SLC29A4: variants seen among roughly 807,000 people sequenced by gnomAD.
SLC29A4 encodes equilibrative nucleoside transporter 4.
A neutral mutation model predicts 43.9 loss-of-function variants in SLC29A4; 36 were observed. The ratio of observed to expected loss-of-function variants is 0.82; its 90% CI spans 0.63 to 1.08. SLC29A4 has a LOEUF of 1.08. Among genes scored for constraint, SLC29A4 ranks in the 50% least tolerant of loss-of-function variants. The pLI is 0.00. For missense variants in SLC29A4, 869 were observed against 755.3 expected (o/e 1.15, Z -1.77); for synonymous variants, 491 against 338.0 (o/e 1.45, Z -4.97).
At chr7:5,288,841 C>A (rs757377385) in intron 2 of SLC29A4, among the ~76,000 whole-genome samples, 1 of 152,154 alleles carries the variant, frequency 6.6e-6, no homozygotes, top group East Asian at 1.9e-4. Context: ...GCAGAGTGGA[C>A]AGCCCACAGG....
At chr7:5,287,417 GAAAAAA>G (rs199755250) in intron 1 of SLC29A4, among the ~76,000 whole-genome samples, 2 of 121,492 alleles carry the variant, frequency 1.6e-5, no homozygotes, top group African/African-American at 3.0e-5. Flanking sequence ...GACCCTGTCT[GAAAAAA>G]AAAAAAAAAG....
intron 7 of SLC29A4, among the ~76,000 whole-genome samples, chr7:5,298,263 C>T (rs1422947808): frequency 6.6e-6 from 1 of 152,136 alleles, no homozygotes; most frequent in Non-Finnish European, 1.5e-5. Flanking sequence ...GGGGTGCGTC[C>T]CTCTCATGGT....
At chr7:5,291,015 C>G in intron 3 of SLC29A4, 109 bp from the exon 4 acceptor site, 3 of 1,519,388 alleles carry the variant, frequency 2.0e-6, no homozygotes, top group Non-Finnish European at 2.7e-6. Flanking sequence ...CTCAGGGCAG[C>G]CACTCACCCT....
intron 5 of SLC29A4, among the ~76,000 whole-genome samples, chr7:5,293,391 C>G (rs1173637129): frequency 6.6e-6 from 1 of 151,520 alleles, no homozygotes; most frequent in South Asian, 2.1e-4. Context: ...AGGCTGCTCT[C>G]GAACTCCTGA....
intron 1 of SLC29A4, among the ~76,000 whole-genome samples, chr7:5,287,449 C>T (rs1785027867): frequency 1.3e-5 from 2 of 151,442 alleles, no homozygotes; most frequent in Admixed American, 6.6e-5. Flanking sequence ...AAAGACATAC[C>T]AGGTGACATT....
At chr7:5,302,014 G>C (rs1378237885) in intron 10 of SLC29A4, among the ~76,000 whole-genome samples, 1 of 152,104 alleles carries the variant, frequency 6.6e-6, no homozygotes, top group Admixed American at 6.5e-5. Context: ...GCAGTGGCAC[G>C]ATCTCAGCTC....
At chr7:5,285,869 C>A (rs1240555986) in intron 1 of SLC29A4, among the ~76,000 whole-genome samples, 5 of 152,108 alleles carry the variant, frequency 3.3e-5, no homozygotes. Flanking sequence ...AAAAATTAGC[C>A]GGGCCTGGTG....
At position 5,297,173 on chromosome 7, in the gene SLC29A4, A is replaced by G; in HGVS notation, c.857A>G (p.Asp286Gly). The change falls in exon 7 of 11, where the codon GAC (aspartate) becomes GGC (glycine). Residue 286 changes from aspartate (D) to glycine (G), a missense_variant. Coordinates refer to ENST00000396872, the MANE Select transcript of SLC29A4 (RefSeq NM_153247.4). ...GGCTATGGCTACCGCGTGCACCACG[A>G]CGTTGTCGCCGGGGACGTCCACTTC... ...GRGYGYRVHH[D>G]VVAGDVHFEH... 1.3e-6 allele frequency: 2 copies of G among 1,594,452 alleles called. No homozygotes were observed. Among genetic ancestry groups the G allele is most frequent in the Non-Finnish European group, 1.7e-6 (2 of 1,175,324 alleles).
intron 5 of SLC29A4, among the ~76,000 whole-genome samples, chr7:5,293,754 C>T (rs563758781): frequency 6.6e-6 from 1 of 152,246 alleles, no homozygotes; most frequent in Admixed American, 6.5e-5. Flanking sequence ...GAGGGAGAGG[C>T]CAGGCCCCCC....
At chr7:5,285,411 G>A (rs901558033) in intron 1 of SLC29A4, among the ~76,000 whole-genome samples, 2 of 152,216 alleles carry the variant, frequency 1.3e-5, no homozygotes, top group Non-Finnish European at 2.9e-5. Flanking sequence ...CTGGTAGTGG[G>A]TACCAATTAC....
At chr7:5,301,329 T>G (rs1402707546) in intron 10 of SLC29A4, among the ~76,000 whole-genome samples, 1 of 149,098 alleles carries the variant, frequency 6.7e-6, no homozygotes, top group Admixed American at 6.7e-5. Context: ...TGGGGAAAAA[T>G]AAAGCAGAGA....
rs1399183673 is a variant in SLC29A4 at position 5,303,903 on chromosome 7, C to T, written c.*964C>T. ...TGAGGTCAGGGGATCCTAAGGGTGTCCTTCCAGAGACGGTGTTTCCAGGGG... is the reference window on the plus strand; with the variant it reads ...TGAGGTCAGGGGATCCTAAGGGTGTTCTTCCAGAGACGGTGTTTCCAGGGG... On this transcript the variant is annotated 3_prime_UTR_variant, in exon 11 of 11. Coordinates refer to ENST00000396872, the MANE Select transcript of SLC29A4 (RefSeq NM_153247.4). 1.3e-5 allele frequency: 2 copies of T among 152,440 alleles called. No homozygotes were observed. The highest frequency in any genetic ancestry group is 1.9e-4 in the East Asian group (1 of 5,190). The allele number at this position is 152,440 out of a possible 1,614,324, so 9.4% of individuals were successfully genotyped here. A position where few individuals can be genotyped will look rare whatever the true frequency, so the allele number is the denominator to read the frequency against.
chr7:5,298,194 C>T (rs1484894788), intron 7 of SLC29A4, among the ~76,000 whole-genome samples: 1 of 152,128 alleles, frequency 6.6e-6, no homozygotes, highest in Non-Finnish European at 1.5e-5. Flanking sequence ...AAACACCATC[C>T]CCAGGGGAGC....
intron 5 of SLC29A4, 95 bp from the exon 6 acceptor site, chr7:5,294,765 C>T: frequency 7.8e-7 from 1 of 1,282,260 alleles, no homozygotes; most frequent in Non-Finnish European, 1.1e-6. Flanking sequence ...GCTGTTTACG[C>T]ACCCTCGTCC....
intron 7 of SLC29A4, 144 bp downstream of exon 7, chr7:5,297,342 C>T (rs62441138): frequency 0.064 from 64,544 of 1,000,882 alleles, 2,426 homozygotes; most frequent in Middle Eastern, 0.078. Flanking sequence ...TTCCTGCCAG[C>T]CTCCTTTATT....
rs535417951 is a variant in SLC29A4 at position 5,290,113 on chromosome 7, G to T, written c.170-619G>T. ...CTGTCGCCCAGGTTGGAGTGCAGTG[G>T]CGCGATCTCGGCTCACTGCAAGCTC... On this transcript the variant is annotated intron_variant, in intron 2 of 10. Transcript: ENST00000396872. 3.3e-5 allele frequency among the ~76,000 whole-genome samples: 5 copies of T among 150,720 alleles called. No individual in the cohort carries two copies. In the East Asian group the frequency reaches 9.8e-4, roughly 29 times the overall value.
chr7:5,291,036 C>T (rs1019321592), intron 3 of SLC29A4, 88 bp from the exon 4 acceptor site: 290 of 1,542,766 alleles, frequency 1.9e-4, no homozygotes, highest in Middle Eastern at 6.7e-4. Context: ...CTGTGGGCAG[C>T]GAGCCCCTTC....
chr7:5,299,540 T>G (rs1170717752), intron 9 of SLC29A4, 113 bp downstream of exon 9: 1 of 1,198,498 alleles, frequency 8.3e-7, no homozygotes, highest in Non-Finnish European at 1.2e-6. Flanking sequence ...GGCTCCCAGG[T>G]GGAAAGGGCA....
rs542981841 is a variant in SLC29A4, at chr7:5,283,316, G to T, written c.-9+234G>T. ...ACCCCTGGGCCCTCGCCATGGAGGG[G>T]GTCGGCGCCACCGCCTCCCTGAGCA... On this transcript the variant is annotated intron_variant, in intron 1 of 10. Transcript: ENST00000396872. 1.3e-4 allele frequency among the ~76,000 whole-genome samples: 19 copies of T among 151,920 alleles called. 1 individual carries two copies. The East Asian group carries it at 2.7e-3, about 22-fold the overall frequency.
Sources: allele counts gnomAD v4.1 joint callset (sites outside exome capture counted in the v4.1 genomes callset), GRCh38; gene constraint gnomAD v4.1.1; transcripts MANE v1.5; gene names NCBI Gene and HGNC (gene_info 2026-07-23, HGNC 2026-07-21).